Variants in PIK3R3 observed in about 807,000 individuals in gnomAD.
PIK3R3 encodes the protein phosphoinositide-3-kinase regulatory subunit 3.
In PIK3R3, 64 loss-of-function variants were observed where a neutral mutation model predicts 62.9. That is an observed-to-expected ratio of 1.02 (90% CI 0.83 to 1.25). The LOEUF is 1.25. Among genes scored for constraint, PIK3R3 ranks in the 50% most tolerant of loss-of-function variants. The pLI is 0.00. For synonymous variants in PIK3R3, 165 were observed against 189.0 expected, an observed-to-expected ratio of 0.87 and a Z score of 1.04; for missense variants, 614 against 561.6, an observed-to-expected ratio of 1.09 and a Z score of -0.94.
upstream of PIK3R3, chr1:46,132,817 A>C: frequency 8.2e-7 from 1 of 1,226,128 alleles, no homozygotes; most frequent in Non-Finnish European, 1.0e-6. Flanking sequence ...AACATGTTCA[A>C]AAAGCTGCTC....
chr1:46,125,571 C>T (rs1655019466), intron 1 of PIK3R3, among the ~76,000 whole-genome samples: 1 of 152,116 alleles, frequency 6.6e-6, no homozygotes, highest in Non-Finnish European at 1.5e-5. Flanking sequence ...TACCAGTTTT[C>T]CACCAAAATG....
chr1:46,119,773 A>ATTTT, intron 1 of PIK3R3, among the ~76,000 whole-genome samples: 1 of 124,332 alleles, frequency 8.0e-6, no homozygotes, highest in Non-Finnish European at 1.7e-5. Context: ...CCAACTCCTA[A>ATTTT]TTTTTTTTTT....
chr1:46,124,401 T>C (rs1304616898), intron 1 of PIK3R3, among the ~76,000 whole-genome samples: 1 of 152,234 alleles, frequency 6.6e-6, no homozygotes. Flanking sequence ...TAAAAAATTA[T>C]ATCATATCAC....
intron 7 of PIK3R3, among the ~76,000 whole-genome samples, chr1:46,055,170 G>A (rs943593994): frequency 3.5e-5 from 5 of 141,098 alleles, no homozygotes; most frequent in South Asian, 4.5e-4. Context: ...GTGCAGTGGC[G>A]TGATCTCGGC....
chr1:46,135,555 A>G (rs562869522), upstream of PIK3R3, among the ~76,000 whole-genome samples: 5 of 152,274 alleles, frequency 3.3e-5, no homozygotes, highest in South Asian at 1.0e-3. Context: ...TTTTTTCTGC[A>G]ACTGTTCAAA....
intron 1 of PIK3R3, among the ~76,000 whole-genome samples, chr1:46,122,514 C>T (rs1440962159): frequency 2.0e-5 from 3 of 152,052 alleles, no homozygotes; most frequent in Non-Finnish European, 2.9e-5. Context: ...GGACTACAGG[C>T]GCGCCACCAC....
At chr1:46,156,177 T>A in the PIK3R3 span, among the ~76,000 whole-genome samples, 2 of 152,128 alleles carry the variant, frequency 1.3e-5, no homozygotes, top group African/African-American at 4.8e-5. Flanking sequence ...TCCTGGTTTT[T>A]CTCATAGAAC....
intron 2 of PIK3R3, 97 bp from the exon 3 acceptor site, chr1:46,077,710 C>T (rs967052187): frequency 1.8e-5 from 13 of 725,086 alleles, no homozygotes; most frequent in Admixed American, 9.7e-5. Context: ...AAGGCAGCTT[C>T]GGCAGTAGGT....
chr1:46,077,675 T>C (rs552765941), intron 2 of PIK3R3, 62 bp from the exon 3 acceptor site: 40 of 993,056 alleles, frequency 4.0e-5, no homozygotes, highest in Admixed American at 1.0e-4. Context: ...CGGCAGTAGG[T>C]GTGCCTTCTT....
chr1:46,069,653 G>T (rs1649315920), intron 3 of PIK3R3, among the ~76,000 whole-genome samples: 1 of 152,180 alleles, frequency 6.6e-6, no homozygotes, highest in Non-Finnish European at 1.5e-5. Flanking sequence ...CAGGAGAAAG[G>T]TCTGGGCTAA....
chr1:46,122,038 A>G lies in PIK3R3; in HGVS notation c.106+9809T>C, dbSNP rs1220535983. On this transcript the variant is annotated intron_variant, in intron 1 of 9. Coordinates refer to ENST00000262741, the MANE Select transcript of PIK3R3 (RefSeq NM_003629.4). ...GCTACAGTAACTTGTGATCATGCCA[A>G]TGCACTCCAGCCTGGGCAACAGAGC... 3.3e-5 allele frequency among the ~76,000 whole-genome samples: 5 copies of G among 151,982 alleles called. No homozygotes were observed. In the South Asian group the frequency reaches 8.3e-4, roughly 25 times the overall value.
At chr1:46,127,290 C>T (rs548777296) in intron 1 of PIK3R3, among the ~76,000 whole-genome samples, 1 of 149,714 alleles carries the variant, frequency 6.7e-6, no homozygotes, top group Admixed American at 6.7e-5. Context: ...TGCAGTGAGC[C>T]ATGATCATGC....
intron 1 of PIK3R3, chr1:46,105,163 GA>G: frequency 1.5e-6 from 1 of 650,116 alleles, no homozygotes; most frequent in South Asian, 1.7e-5. Flanking sequence ...CGAAGGAATG[GA>G]GAGATCAGTA....
chr1:46,079,679 T>G (rs1571432771), intron 2 of PIK3R3, among the ~76,000 whole-genome samples: 1 of 152,156 alleles, frequency 6.6e-6, no homozygotes, highest in East Asian at 1.9e-4. Flanking sequence ...TTCAGCCAGG[T>G]GCAGTGGCTT....
upstream of PIK3R3, among the ~76,000 whole-genome samples, chr1:46,134,173 T>A (rs1655842287): frequency 6.6e-6 from 1 of 152,184 alleles, no homozygotes; most frequent in Non-Finnish European, 1.5e-5. Context: ...AAGCCCATTG[T>A]GTTTGAGTTG....
chr1:46,140,301 G>T, the PIK3R3 span, among the ~76,000 whole-genome samples: 1 of 151,952 alleles, frequency 6.6e-6, no homozygotes, highest in Non-Finnish European at 1.5e-5. Flanking sequence ...TCCCCTCTCT[G>T]AAATCTTTAA....
intron 1 of PIK3R3, among the ~76,000 whole-genome samples, chr1:46,120,953 T>C (rs910237152): frequency 1.3e-5 from 2 of 152,186 alleles, no homozygotes; most frequent in Non-Finnish European, 2.9e-5. Flanking sequence ...GAGATACTTT[T>C]CCTCTTCTTT....
chr1:46,117,764 AAGAG>A (rs1177298573), intron 1 of PIK3R3, among the ~76,000 whole-genome samples: 4 of 150,254 alleles, frequency 2.7e-5, no homozygotes, highest in Non-Finnish European at 3.0e-5. Context: ...GAAAGAAAGA[AAGAG>A]AAAGAAAGAG....
In PIK3R3 at chr1:46,066,104, T is replaced by C. The variant is rs777176672; in HGVS notation, c.571A>G (p.Lys191Glu). The change falls in exon 5 of 10, where the codon AAG (lysine) becomes GAG (glutamate). Residue 191 changes from lysine (K) to glutamate (E), a missense_variant. Physicochemically the swap from Lys to Glu is moderately conservative, Grantham distance 56 (BLOSUM62 1). Coordinates refer to ENST00000262741, the MANE Select transcript of PIK3R3 (RefSeq NM_003629.4). ...LQEYHSQYQEKSKEYDRLYEE... is the reference protein window; with the variant it reads ...LQEYHSQYQEESKEYDRLYEE... ...TACAGCCTATCATACTCTTTACTCTTCTCCTGATACTGAGAGTGGTATTCT... is the reference window on the plus strand; with the variant it reads ...TACAGCCTATCATACTCTTTACTCTCCTCCTGATACTGAGAGTGGTATTCT... 2 of 1,603,306 alleles carry C rather than the reference T, an allele frequency of 1.2e-6. No homozygotes were observed. The highest frequency in any genetic ancestry group is 1.7e-6 in the Non-Finnish European group (2 of 1,170,506).
Sources: gnomAD v4.1 joint callset for allele counts (sites outside exome capture counted in the v4.1 genomes callset) on GRCh38, gnomAD v4.1.1 for gene constraint, MANE v1.5 for transcripts, NCBI Gene and HGNC (gene_info 2026-07-23, HGNC 2026-07-21) for gene names.